Variants in CFAP77 observed in about 807,000 individuals in gnomAD.
CFAP77 encodes the protein cilia and flagella associated protein 77, also known as cilia- and flagella-associated protein 77.
A neutral mutation model predicts 31.1 loss-of-function variants in CFAP77; 25 were observed. The observed-to-expected ratio is 0.80, with a 90% CI of 0.59 to 1.12. The LOEUF (loss-of-function observed/expected upper bound fraction) is 1.12. Ranked by LOEUF, CFAP77 falls within the 50% of genes most tolerant of loss-of-function variation. The probability of loss-of-function intolerance (pLI) is 0.00; values close to 1 mark genes in which losing one functional copy is unlikely to be tolerated. For missense variants in CFAP77, 377 were observed against 397.3 expected (o/e 0.95, Z 0.44); for synonymous variants, 151 against 159.9 (o/e 0.94, Z 0.42).
In CFAP77 at chr9:132,498,696, C is replaced by A; in HGVS notation, c.197C>A (p.Ala66Asp). The A allele has an allele frequency of 1.9e-6, 3 of 1,610,014 alleles. No homozygotes were observed. Among genetic ancestry groups the A allele is most frequent in the Admixed American group, 1.7e-5 (1 of 59,598 alleles). ...SMFQNPLIVK[A>D]ELGKPRERSY... is the part of the protein sequence containing the mutation. ...TGCTCTCTGTCCTTCCCCCGACAGGCTGAACTCGGCAAGCCCCGGGAAAGA... is the reference window on the plus strand; with the variant it reads ...TGCTCTCTGTCCTTCCCCCGACAGGATGAACTCGGCAAGCCCCGGGAAAGA... The change falls in exon 2 of 6, where the codon GCT becomes GAT. Residue 66 changes from alanine (A) to aspartate (D), a missense_variant and splice_region_variant. Transcript: ENST00000393216. This position sits in a 1 kb window ranked among gnomAD's most constrained non-coding sequence, Gnocchi z 4.2.
At chr9:132,520,348 A>C (rs1009765832) in intron 3 of CFAP77, among the ~76,000 whole-genome samples, 2 of 152,152 alleles carry the variant, frequency 1.3e-5, no homozygotes, top group African/African-American at 4.8e-5. Context: ...TCCAATGAAG[A>C]TATAGTACAT....
At chr9:132,460,201 T>G (rs1851026035) in intron 1 of CFAP77, among the ~76,000 whole-genome samples, 1 of 152,104 alleles carries the variant, frequency 6.6e-6, no homozygotes, top group South Asian at 2.1e-4. Flanking sequence ...CTCCAGCCCT[T>G]CCCCAGTTCC....
In CFAP77 at chr9:132,515,879, A is replaced by G. The variant is rs950394320; in HGVS notation, c.524+16279A>G. Among the ~76,000 whole-genome samples the G allele has an allele frequency of 1.1e-3, 160 of 152,286 alleles. 1 individual carries two copies. Among genetic ancestry groups the G allele is most frequent in the Non-Finnish European group, 5.9e-5 (4 of 68,036 alleles). On this transcript the variant is annotated intron_variant, in intron 3 of 5. Transcript: ENST00000393216. ...ACACTCCTTCCACTACAGGAAAAAA[A>G]TTGTGTCAAATCCATCAGTGAATAG...
chr9:132,522,866 G>C (rs528562521), intron 3 of CFAP77, among the ~76,000 whole-genome samples: 1 of 152,192 alleles, frequency 6.6e-6, no homozygotes, highest in African/African-American at 2.4e-5. Flanking sequence ...TCCTGACCCC[G>C]AGTCTGGGGA....
chr9:132,410,211 G>C lies in CFAP77; in HGVS notation c.-61G>C. On this transcript the variant is annotated 5_prime_UTR_variant, in exon 1 of 6. Transcript: ENST00000393216. ...CAGGCCCTTCGGAGCTCCAGGCTGT[G>C]CCCGACGTGGGGAAGCGCGCCCAAA... 2 of 1,416,300 alleles carry C rather than the reference G, an allele frequency of 1.4e-6. No homozygotes were observed. The highest frequency in any genetic ancestry group is 1.5e-5 in the African/African-American group (1 of 67,090). 87.7% of individuals were successfully genotyped at this position (1,416,300 alleles called of 1,614,324 possible).
intron 1 of CFAP77, among the ~76,000 whole-genome samples, chr9:132,434,095 C>T (rs1019767413): frequency 3.3e-5 from 5 of 151,824 alleles, no homozygotes; most frequent in African/African-American, 1.2e-4. Flanking sequence ...GCCATGATTA[C>T]ACCACTGCAC....
intron 3 of CFAP77, among the ~76,000 whole-genome samples, chr9:132,529,778 G>A (rs112055978): frequency 0.07 from 10,518 of 149,496 alleles, 444 homozygotes; most frequent in South Asian, 0.12. Context: ...GTGAGCCAAG[G>A]TCGCACCACT....
rs377090914 is a variant in CFAP77 at position 132,534,383 on chromosome 9, C to T, written c.525-3218C>T. On this transcript the variant is annotated intron_variant, in intron 3 of 5. Coordinates refer to ENST00000393216, the MANE Select transcript of CFAP77 (RefSeq NM_001282957.2). ...ATCCTAGCACTTTGGGAGGCTGAGG[C>T]GGGTGGATCACGAGGTCAGGAGATC... Among the ~76,000 whole-genome samples, 8 of 152,032 alleles carry T rather than the reference C, an allele frequency of 5.3e-5. 1 individual carries two copies. The highest frequency in any genetic ancestry group is 1.2e-4 in the African/African-American group (5 of 41,446).
rs1028915671 is a variant in CFAP77, at chr9:132,543,101, C to G, written c.732+54C>G. Reference sequence around the variant, plus strand: ...CCTGCACCTTGCTGGCTGCCGCTCACCTTGCCAGGTCCTTACCTGCTGTCT... The same window carrying G: ...CCTGCACCTTGCTGGCTGCCGCTCAGCTTGCCAGGTCCTTACCTGCTGTCT... On this transcript the variant is annotated intron_variant, in intron 5 of 5. Transcript: ENST00000393216. 11 of 1,456,762 alleles carry G rather than the reference C, an allele frequency of 7.6e-6. No individual in the cohort carries two copies. In the African/African-American group the frequency reaches 1.5e-4, roughly 20 times the overall value. 90.2% of individuals were successfully genotyped at this position (1,456,762 alleles called of 1,614,324 possible). A position where few individuals can be genotyped will look rare whatever the true frequency, so the allele number is the denominator to read the frequency against.
rs760990938 is a variant in CFAP77, at chr9:132,410,372, G to A, written c.101G>A (p.Arg34Gln). 6.3e-7 allele frequency: 1 copy of A among 1,599,430 alleles called. No homozygotes were observed. The highest frequency in any genetic ancestry group is 8.5e-7 in the Non-Finnish European group (1 of 1,174,520). The stretch of plus-strand genomic sequence containing the variant: ...AGCCAGGTCTGCCCGCCCCCGCGGC[G>A]GCCCCTGACCGTGGCGGACATCCGT... The part of the protein sequence containing the change: ...TVSQVCPPPR[R>Q]PLTVADIRSG... The change falls in exon 1 of 6, where the codon CGG (arginine) becomes CAG (glutamine). Residue 34 changes from arginine to glutamine, a missense_variant. By Grantham distance (43) the Arg-to-Gln change is conservative. Coordinates refer to ENST00000393216, the MANE Select transcript of CFAP77 (RefSeq NM_001282957.2).
chr9:132,572,709 C>T lies in CFAP77; in HGVS notation c.*199C>T. The T allele has an allele frequency of 1.7e-6, 1 of 577,664 alleles. No homozygotes were observed. The highest frequency in any genetic ancestry group is 1.9e-5 in the African/African-American group (1 of 52,050). The allele number at this position is 577,664 out of a possible 1,614,324, so 35.8% of individuals were successfully genotyped here. On this transcript the variant is annotated 3_prime_UTR_variant, in exon 6 of 6. Coordinates refer to ENST00000393216, the MANE Select transcript of CFAP77 (RefSeq NM_001282957.2). Reference sequence around the variant, plus strand: ...TAGCCAACATTAGTCTCCACTTAGCCCCAGTGACCCTCTACCTGGAGCCTC... The same window carrying T: ...TAGCCAACATTAGTCTCCACTTAGCTCCAGTGACCCTCTACCTGGAGCCTC...
intron 1 of CFAP77, among the ~76,000 whole-genome samples, chr9:132,474,003 C>A (rs1313192665): frequency 6.6e-6 from 1 of 152,154 alleles, no homozygotes; most frequent in Non-Finnish European, 1.5e-5. Flanking sequence ...TTTCTGAACA[C>A]AGACTTCCCA....
intron 1 of CFAP77, among the ~76,000 whole-genome samples, chr9:132,438,511 C>T (rs1589850293): frequency 7.7e-6 from 1 of 129,788 alleles, no homozygotes; most frequent in African/African-American, 2.9e-5. Flanking sequence ...TTTGGGGGAA[C>T]AGATATGGTA....
At chr9:132,446,779 C>A (rs1589855086) in intron 1 of CFAP77, among the ~76,000 whole-genome samples, 1 of 150,244 alleles carries the variant, frequency 6.7e-6, no homozygotes, top group Middle Eastern at 3.5e-3. Context: ...TAACATGTGG[C>A]TGGCTGACTG....
chr9:132,410,522 C>A, intron 1 of CFAP77, 56 bp downstream of exon 1: 1 of 1,438,544 alleles, frequency 7.0e-7, no homozygotes, highest in Non-Finnish European at 9.2e-7. Context: ...GCACCTGCGC[C>A]GCCGGGGGTC....
intron 1 of CFAP77, among the ~76,000 whole-genome samples, chr9:132,496,767 C>T (rs946493984): frequency 3.9e-5 from 6 of 152,196 alleles, no homozygotes; most frequent in Non-Finnish European, 7.4e-5. Context: ...GAAGGCTTCC[C>T]AGAGGAAGTG....
At chr9:132,493,998 A>G (rs1313596983) in intron 1 of CFAP77, among the ~76,000 whole-genome samples, 3 of 149,738 alleles carry the variant, frequency 2.0e-5, no homozygotes, top group Middle Eastern at 3.5e-3. Flanking sequence ...TGCAGCCTCC[A>G]CCTCCCGGGT....
chr9:132,568,105 T>G (rs1829908998), intron 5 of CFAP77, among the ~76,000 whole-genome samples: 1 of 152,060 alleles, frequency 6.6e-6, no homozygotes, highest in South Asian at 2.1e-4. Context: ...TATACTCCCC[T>G]ATGAAGAGCC....
chr9:132,452,612 A>G (rs138583790), intron 1 of CFAP77, among the ~76,000 whole-genome samples: 41 of 152,326 alleles, frequency 2.7e-4, no homozygotes, highest in Middle Eastern at 3.4e-3. Context: ...TGCCACTAAC[A>G]TTGGATTCTG....
Sources: gnomAD v4.1 joint callset for allele counts (sites outside exome capture counted in the v4.1 genomes callset) on GRCh38, gnomAD v4.1.1 for gene constraint, Gnocchi (gnomAD v3.1) non-coding constraint, MANE v1.5 for transcripts, NCBI Gene and HGNC (gene_info 2026-07-23, HGNC 2026-07-21) for gene names.